Variants in ITGBL1 observed in about 807,000 individuals in gnomAD.
The protein encoded by ITGBL1 is integrin subunit beta like 1.
Under a neutral mutation model 68.5 loss-of-function variants are expected in ITGBL1, and 51 were observed. The ratio of observed to expected loss-of-function variants is 0.74; its 90% confidence interval spans 0.59 to 0.94. ITGBL1 has a LOEUF of 0.94. Among genes scored for constraint, ITGBL1 ranks in the 40% least tolerant of loss-of-function variants. The probability of loss-of-function intolerance (pLI) is 0.00; values close to 1 mark genes in which losing one functional copy is unlikely to be tolerated. For missense variants in ITGBL1, 649 were observed against 647.4 expected, an observed-to-expected ratio of 1.00 and a Z score of -0.03; for synonymous variants, 209 against 227.3, an observed-to-expected ratio of 0.92 and a Z score of 0.72.
intron 2 of ITGBL1, among the ~76,000 whole-genome samples, chr13:101,463,688 C>T (rs1279131147): frequency 1.3e-5 from 2 of 152,036 alleles, no homozygotes; most frequent in African/African-American, 4.8e-5. Context: ...CCTTGATCTC[C>T]TCTAAATTGT....
intron 2 of ITGBL1, among the ~76,000 whole-genome samples, chr13:101,552,941 C>G (rs1205147206): frequency 3.9e-5 from 6 of 152,174 alleles, no homozygotes; most frequent in Non-Finnish European, 8.8e-5. Context: ...ATCTTCTCCT[C>G]AGGCATAATT....
intron 6 of ITGBL1, among the ~76,000 whole-genome samples, chr13:101,593,679 A>C (rs2050696048): frequency 6.6e-6 from 1 of 152,142 alleles, no homozygotes; most frequent in Admixed American, 6.5e-5. Flanking sequence ...CCTTATTTCA[A>C]AACCTAAAAA....
At chr13:101,682,465 G>A (rs2033666641) in intron 7 of ITGBL1, among the ~76,000 whole-genome samples, 1 of 151,990 alleles carries the variant, frequency 6.6e-6, no homozygotes, top group Admixed American at 6.6e-5. Context: ...GTAAAATTTA[G>A]TAACAAAGAT....
chr13:101,553,979 G>A (rs1456425506), intron 2 of ITGBL1, among the ~76,000 whole-genome samples: 3 of 152,034 alleles, frequency 2.0e-5, no homozygotes, highest in Non-Finnish European at 4.4e-5. Flanking sequence ...TCTCCATGTT[G>A]GTCAGGCTGG....
Position 101,583,300 on chromosome 13 carries a change from G to T in ITGBL1, c.812G>T (p.Cys271Phe). 1 of 1,612,868 alleles carries T rather than the reference G, an allele frequency of 6.2e-7. No homozygotes were observed. The highest frequency in any genetic ancestry group is 8.5e-7 in the Non-Finnish European group (1 of 1,179,378). The change falls in exon 6 of 11, where the codon TGT (cysteine) becomes TTT (phenylalanine). Residue 271 changes from cysteine to phenylalanine, a missense_variant. Physicochemically the swap from Cys to Phe is radical, Grantham distance 205 (BLOSUM62 -2). Transcript: ENST00000376180. Reference sequence around the variant, plus strand: ...GATATTCATGGGGACACCTGTGAATGTGATGAGAGGGACTGTAGAGCTGTC... The same window carrying T: ...GATATTCATGGGGACACCTGTGAATTTGATGAGAGGGACTGTAGAGCTGTC... ...WGDIHGDTCE[C>F]DERDCRAVYD...
intron 7 of ITGBL1, among the ~76,000 whole-genome samples, chr13:101,647,036 TC>T (rs2032582059): frequency 2.0e-5 from 3 of 152,154 alleles, no homozygotes; most frequent in African/African-American, 7.2e-5. Flanking sequence ...CTTGTTTTCA[TC>T]TCTTTTTTTA....
chr13:101,508,067 T>G (rs2049054561), intron 2 of ITGBL1, among the ~76,000 whole-genome samples: 1 of 152,172 alleles, frequency 6.6e-6, no homozygotes, highest in Non-Finnish European at 1.5e-5. Context: ...ATCTGCTCAC[T>G]GACTCACAGC....
At chr13:101,544,898 T>A (rs1320385912) in intron 2 of ITGBL1, among the ~76,000 whole-genome samples, 1 of 152,192 alleles carries the variant, frequency 6.6e-6, no homozygotes, top group African/African-American at 2.4e-5. Flanking sequence ...CTAAGACCAT[T>A]GGAAAAGCGC....
At position 101,715,544 on chromosome 13, in the gene ITGBL1, T is replaced by C. The variant is rs1455080534; in HGVS notation, c.1394-19T>C. ...ACATTTTGATCATAATCATGATACC[T>C]ATATGTATTTTATTGCAGGGAATGG... On this transcript the variant is annotated intron_variant, in intron 10 of 10. Transcript: ENST00000376180. 1.9e-6 allele frequency: 3 copies of C among 1,542,164 alleles called. No individual in the cohort carries two copies. The highest frequency in any genetic ancestry group is 1.1e-5 in the South Asian group (1 of 89,680).
Position 101,605,862 on chromosome 13 carries a change from ATG to A in ITGBL1, c.1015+7567_1015+7568del, listed in dbSNP as rs532199509. Among the ~76,000 whole-genome samples the A allele has an allele frequency of 1.1e-4, 16 of 150,430 alleles. No homozygotes were observed. The South Asian group carries it at 3.3e-3, about 31-fold the overall frequency. On this transcript the variant is annotated intron_variant, in intron 7 of 10. Coordinates refer to ENST00000376180, the MANE Select transcript of ITGBL1 (RefSeq NM_004791.3). ...TGCATATACATATGTATGTGTGTAT[ATG>A]TGTATATATACACATATATAGACAT...
At chr13:101,604,887 T>TATATATATACACAC in intron 7 of ITGBL1, among the ~76,000 whole-genome samples, 5 of 22,164 alleles carry the variant, frequency 2.3e-4, no homozygotes, top group African/African-American at 7.5e-4. Flanking sequence ...TATATATATA[T>TATATATATACACAC]ACACACACAC....
chr13:101,682,025 A>T (rs79574552), intron 7 of ITGBL1, among the ~76,000 whole-genome samples: 1 of 152,222 alleles, frequency 6.6e-6, no homozygotes, highest in East Asian at 1.9e-4. Flanking sequence ...ACAACTTTCC[A>T]TAAGGCAGTG....
chr13:101,560,695 T>A (rs1351424343), intron 2 of ITGBL1, among the ~76,000 whole-genome samples: 1 of 152,204 alleles, frequency 6.6e-6, no homozygotes, highest in Non-Finnish European at 1.5e-5. Flanking sequence ...TGTTTTAAAA[T>A]GTAAAACAAG....
At chr13:101,565,022 G>A (rs2050162026) in intron 2 of ITGBL1, among the ~76,000 whole-genome samples, 1 of 152,092 alleles carries the variant, frequency 6.6e-6, no homozygotes, top group South Asian at 2.1e-4. Flanking sequence ...GCATGGAACA[G>A]TTTCTCCCTC....
intron 3 of ITGBL1, among the ~76,000 whole-genome samples, chr13:101,572,961 CAT>C (rs1277190423): frequency 7.9e-5 from 12 of 151,986 alleles, no homozygotes; most frequent in Non-Finnish European, 1.8e-4. Flanking sequence ...AACAAGAAAA[CAT>C]ATGACACAAA....
intron 6 of ITGBL1, among the ~76,000 whole-genome samples, chr13:101,593,087 G>A (rs1210936974): frequency 6.6e-6 from 1 of 151,824 alleles, no homozygotes; most frequent in Non-Finnish European, 1.5e-5. Context: ...GTAAAAATAG[G>A]CAAAATACAT....
At chr13:101,467,226 G>A (rs574153278) in intron 2 of ITGBL1, among the ~76,000 whole-genome samples, 51 of 152,230 alleles carry the variant, frequency 3.4e-4, no homozygotes, top group South Asian at 2.7e-3. Context: ...CATAGCAGCC[G>A]GTCTACTAGC....
intron 2 of ITGBL1, among the ~76,000 whole-genome samples, chr13:101,539,837 G>A (rs2049656966): frequency 6.6e-6 from 1 of 152,026 alleles, no homozygotes; most frequent in Non-Finnish European, 1.5e-5. Context: ...TCTTTTGGCT[G>A]CATAAATGTC....
chr13:101,524,800 T>A (rs2049346826), intron 2 of ITGBL1, among the ~76,000 whole-genome samples: 1 of 152,140 alleles, frequency 6.6e-6, no homozygotes, highest in African/African-American at 2.4e-5. Flanking sequence ...GACGTATAGC[T>A]GTCATCACTG....
Sources: gnomAD v4.1 joint callset for allele counts (sites outside exome capture counted in the v4.1 genomes callset) on GRCh38, gnomAD v4.1.1 for gene constraint, MANE v1.5 for transcripts, NCBI Gene and HGNC (gene_info 2026-07-23, HGNC 2026-07-21) for gene names.